Variants in OR1L8 observed in about 807,000 individuals in gnomAD.
OR1L8 encodes olfactory receptor family 1 subfamily L member 8.
For missense variants in OR1L8, 330 were observed against 377.4 expected (o/e 0.87, Z 1.04); for synonymous variants, 148 against 147.0 (o/e 1.01, Z -0.05).
At chr9:122,552,626 T>A in the OR1L8 span, among the ~76,000 whole-genome samples, 1 of 151,978 alleles carries the variant, frequency 6.6e-6, no homozygotes, top group African/African-American at 2.4e-5. Context: ...CCTTTGCCGC[T>A]AGTTAGGAAA....
chr9:122,554,249 A>G, the OR1L8 span: 1 of 1,015,596 alleles, frequency 9.8e-7, no homozygotes. Context: ...TCATGTTGAT[A>G]TTAGGGGAAG....
the OR1L8 span, among the ~76,000 whole-genome samples, chr9:122,561,725 G>A: frequency 1.3e-5 from 2 of 152,090 alleles, no homozygotes; most frequent in Admixed American, 6.5e-5. Flanking sequence ...CATTGGTATC[G>A]CTGACCTTGA....
intron 1 of OR1L8, among the ~76,000 whole-genome samples, chr9:122,581,554 A>G (rs1829738342): frequency 6.6e-6 from 1 of 152,208 alleles, no homozygotes; most frequent in South Asian, 2.1e-4. Context: ...AAACTCCTAG[A>G]TATATCTACT....
chr9:122,583,140 C>T (rs1293057012), intron 1 of OR1L8, among the ~76,000 whole-genome samples, 181 bp downstream of exon 1: 1 of 151,874 alleles, frequency 6.6e-6, no homozygotes, highest in African/African-American at 2.4e-5. Flanking sequence ...GGAAAACTTC[C>T]ATGTGGGACA....
chr9:122,563,184 A>ATTT (rs61467780), downstream of OR1L8, among the ~76,000 whole-genome samples: 229 of 149,442 alleles, frequency 1.5e-3, no homozygotes, highest in Middle Eastern at 3.5e-3. Flanking sequence ...AGCATTTGTT[A>ATTT]TTTTTTTTTT....
chr9:122,551,151 A>G, the OR1L8 span, among the ~76,000 whole-genome samples: 1 of 152,182 alleles, frequency 6.6e-6, no homozygotes, highest in Non-Finnish European at 1.5e-5. Flanking sequence ...CCTCAATCCC[A>G]TTTACAATAG....
At chr9:122,553,343 G>C in the OR1L8 span, 10 of 1,613,910 alleles carry the variant, frequency 6.2e-6, no homozygotes, top group Non-Finnish European at 8.5e-6. Context: ...CCATGGTGGG[G>C]AACCTGCTCA....
chr9:122,553,977 G>C, the OR1L8 span: 1 of 1,613,472 alleles, frequency 6.2e-7, no homozygotes, highest in South Asian at 1.1e-5. Context: ...GCTCTTCTAT[G>C]GGTCTCTTAT....
the OR1L8 span, among the ~76,000 whole-genome samples, chr9:122,551,106 C>G: frequency 1.3e-5 from 2 of 152,146 alleles, no homozygotes; most frequent in Non-Finnish European, 2.9e-5. Flanking sequence ...CATTTCTACA[C>G]ACTAATAACA....
At chr9:122,546,886 A>G in the OR1L8 span, among the ~76,000 whole-genome samples, 1 of 152,174 alleles carries the variant, frequency 6.6e-6, no homozygotes, top group African/African-American at 2.4e-5. Flanking sequence ...TGATACATAT[A>G]TAGTGATCAG....
downstream of OR1L8, chr9:122,567,042 A>G (rs1309851480): frequency 6.6e-6 from 1 of 152,262 alleles, no homozygotes; most frequent in East Asian, 1.9e-4. Flanking sequence ...TTTAAGCAAT[A>G]AAACATTTTT....
At chr9:122,558,311 CTT>C in the OR1L8 span, among the ~76,000 whole-genome samples, 96 of 34,434 alleles carry the variant, frequency 2.8e-3, no homozygotes, top group Non-Finnish European at 3.5e-3. Context: ...TTGGATTTTG[CTT>C]TTTTTTTTTT....
rs1829464583 is a variant in OR1L8 at position 122,567,980 on chromosome 9, A to C, written c.498T>G (p.Arg166=). ...TAACATTGGAGTCACAGAAGGTGAGACGATTCAGCAGAAGTGTGTGCAGGA... is the reference window on the plus strand; with the variant it reads ...TAACATTGGAGTCACAGAAGGTGAGCCGATTCAGCAGAAGTGTGTGCAGGA... ...HSLLHTLLLN[R]LTFCDSNVIH... Residue 166 remains arginine, a synonymous_variant, in exon 5 of 5, where the codon CGT becomes CGG. Coordinates refer to ENST00000641027, the MANE Select transcript of OR1L8 (RefSeq NM_001004454.2). The C allele has an allele frequency of 6.2e-7, 1 of 1,614,192 alleles. No individual in the cohort carries two copies.
At chr9:122,571,789 G>T (rs1421741138) in intron 4 of OR1L8, among the ~76,000 whole-genome samples, 2 of 151,940 alleles carry the variant, frequency 1.3e-5, no homozygotes, top group Non-Finnish European at 2.9e-5. Flanking sequence ...GCAGTGGACA[G>T]TGCCTTGGAC....
At chr9:122,574,661 C>A (rs1829611313) in intron 3 of OR1L8, among the ~76,000 whole-genome samples, 1 of 152,050 alleles carries the variant, frequency 6.6e-6, no homozygotes, top group Admixed American at 6.6e-5. Context: ...TTCTTTCCTT[C>A]AAATCTGTAT....
downstream of OR1L8, among the ~76,000 whole-genome samples, chr9:122,565,282 A>G (rs145936209): frequency 1.3e-5 from 2 of 152,228 alleles, no homozygotes; most frequent in Non-Finnish European, 2.9e-5. Flanking sequence ...TGAATGGGCA[A>G]AGATATGAAG....
chr9:122,565,577 C>T (rs1030685235), downstream of OR1L8, among the ~76,000 whole-genome samples: 3 of 152,164 alleles, frequency 2.0e-5, no homozygotes, highest in African/African-American at 7.2e-5. Flanking sequence ...CCCCCAATGG[C>T]ACCATTCCCA....
At chr9:122,554,487 C>T in the OR1L8 span, among the ~76,000 whole-genome samples, 1,465 of 152,176 alleles carry the variant, frequency 9.6e-3, 23 homozygotes, top group African/African-American at 0.033. Flanking sequence ...CAATTCTACC[C>T]CAGCAAGGCA....
the OR1L8 span, among the ~76,000 whole-genome samples, chr9:122,550,477 C>G: frequency 1.3e-5 from 2 of 151,292 alleles, no homozygotes; most frequent in African/African-American, 4.8e-5. Context: ...TTTGTGGTGA[C>G]AATAGATGCA....
Sources: allele counts gnomAD v4.1 joint callset (sites outside exome capture counted in the v4.1 genomes callset), GRCh38; gene constraint gnomAD v4.1.1; transcripts MANE v1.5; gene names NCBI Gene and HGNC (gene_info 2026-07-23, HGNC 2026-07-21).